Variants in SLC2A1 observed in about 807,000 individuals in gnomAD.
SLC2A1 encodes the protein solute carrier family 2 member 1.
Under a neutral mutation model 46.6 loss-of-function variants are expected in SLC2A1, and 4 were observed. The observed-to-expected ratio is 0.09, with a 90% confidence interval of 0.04 to 0.20. SLC2A1 has a LOEUF of 0.20. SLC2A1 is among the 10% of genes least tolerant of loss of function. The pLI is 1.00. For missense variants in SLC2A1, 352 were observed against 667.0 expected, an observed-to-expected ratio of 0.53 and a Z score of 5.20; for synonymous variants, 253 against 270.0, an observed-to-expected ratio of 0.94 and a Z score of 0.62.
intron 8 of SLC2A1, among the ~76,000 whole-genome samples, chr1:42,928,423 C>T (rs1168705549): frequency 6.6e-6 from 1 of 152,164 alleles, no homozygotes; most frequent in Non-Finnish European, 1.5e-5. Flanking sequence ...GTCACAGTCA[C>T]AGGCCTGGGA....
intron 8 of SLC2A1, 34 bp downstream of exon 8, chr1:42,928,898 C>T (rs766213890): frequency 3.2e-5 from 51 of 1,583,672 alleles, no homozygotes; most frequent in Middle Eastern, 3.3e-4. Context: ...CAAACTCTCC[C>T]GCATCCCTCA....
intron 2 of SLC2A1, chr1:42,942,975 T>C (rs367957649): frequency 3.9e-4 from 220 of 563,968 alleles, no homozygotes; most frequent in African/African-American, 2.8e-3. Flanking sequence ...GGGTGGGGGG[T>C]TGGTCAAGAG....
chr1:42,947,581 C>CAAAAAAAAAAAAAAAAAAAAAAAAAAA, intron 1 of SLC2A1, among the ~76,000 whole-genome samples: 1 of 55,830 alleles, frequency 1.8e-5, no homozygotes, highest in Non-Finnish European at 3.1e-5. Context: ...CACACACACA[C>CAAAAAAAAAAAAAAAAAAAAAAAAAAA]AAAAAAAAAA....
chr1:42,928,867 T>C (rs1643455338), intron 8 of SLC2A1, 65 bp downstream of exon 8: 1 of 1,416,682 alleles, frequency 7.1e-7, no homozygotes, highest in Non-Finnish European at 1.0e-6. Context: ...GAGACAGGCA[T>C]TTTGGGATAT....
intron 2 of SLC2A1, 91 bp from the exon 3 acceptor site, chr1:42,931,297 G>A (rs1643487590): frequency 7.5e-6 from 10 of 1,329,072 alleles, no homozygotes; most frequent in Non-Finnish European, 1.0e-5. Context: ...CCTAAGAGAG[G>A]GCCAGGGCCT....
At chr1:42,941,147 C>T (rs952528569) in intron 2 of SLC2A1, among the ~76,000 whole-genome samples, 6 of 152,158 alleles carry the variant, frequency 3.9e-5, no homozygotes, top group African/African-American at 1.2e-4. Context: ...TTCTTAAGTC[C>T]GCCCCTCCAT....
chr1:42,951,389 G>T (rs903408286), intron 1 of SLC2A1, among the ~76,000 whole-genome samples: 1 of 152,176 alleles, frequency 6.6e-6, no homozygotes, highest in African/African-American at 2.4e-5. Context: ...TACATATTGT[G>T]TAAGGAACAG....
chr1:42,952,234 G>C (rs1643728737), intron 1 of SLC2A1: 3 of 427,414 alleles, frequency 7.0e-6, no homozygotes, highest in African/African-American at 6.0e-5. Flanking sequence ...TTTGTGGAGA[G>C]AATGAGACCA....
Position 42,945,754 on chromosome 1 carries a change from C to CAAAAAACA in SLC2A1, c.19-2441_19-2434dup, listed in dbSNP as rs1553157060. ...ACTCTGTCTCAAAAAAAAAAAAAAACAAAAAACAAAAAACAAGAATGTACA... is the reference window on the plus strand; with the variant it reads ...ACTCTGTCTCAAAAAAAAAAAAAAACAAAAAACAAAAAAACAAAAAACAAGAATGTACA... On this transcript the variant is annotated intron_variant, in intron 1 of 9. Coordinates refer to ENST00000426263, the MANE Select transcript of SLC2A1 (RefSeq NM_006516.4). Among the ~76,000 whole-genome samples the CAAAAAACA allele has an allele frequency of 1.2e-3, 168 of 140,996 alleles. 2 individuals carry two copies. Among genetic ancestry groups the CAAAAAACA allele is most frequent in the Admixed American group, 1.4e-3 (20 of 14,216 alleles). 92.5% of individuals were successfully genotyped at this position (140,996 alleles called of 152,430 possible).
chr1:42,940,543 C>T (rs1464502220), intron 2 of SLC2A1, among the ~76,000 whole-genome samples: 4 of 152,178 alleles, frequency 2.6e-5, no homozygotes, highest in Non-Finnish European at 1.5e-5. Flanking sequence ...AGCTCTTGTT[C>T]TTCTACTTAG....
chr1:42,939,527 G>A (rs1035837233), intron 2 of SLC2A1, among the ~76,000 whole-genome samples: 3 of 152,182 alleles, frequency 2.0e-5, no homozygotes, highest in Non-Finnish European at 2.9e-5. Context: ...GACCAGCCCC[G>A]TGATGCCCTG....
At chr1:42,955,337 G>A (rs1008083890) in intron 1 of SLC2A1, among the ~76,000 whole-genome samples, 1 of 152,190 alleles carries the variant, frequency 6.6e-6, no homozygotes, top group Non-Finnish European at 1.5e-5. Context: ...GGCCGGGTGC[G>A]GTAGCTCACG....
chr1:42,930,072 A>T lies in SLC2A1; in HGVS notation c.517-37T>A, dbSNP rs369160339. On this transcript the variant is annotated intron_variant, in intron 4 of 9. Transcript: ENST00000426263. The surrounding 1 kb of genome is among the most constrained non-coding windows in gnomAD (Gnocchi z 6.2). ...AGGGGCCGTGAGCGCCTCTGCCCTG[A>T]CCCCCTTTCCCACCCCGTCCTGCCA... 1.7e-5 allele frequency: 27 copies of T among 1,610,892 alleles called. No individual in the cohort carries two copies. The African/African-American group carries it at 3.5e-4, about 21-fold the overall frequency.
intron 2 of SLC2A1, among the ~76,000 whole-genome samples, chr1:42,937,813 G>A (rs1643556863): frequency 6.6e-6 from 1 of 152,182 alleles, no homozygotes; most frequent in African/African-American, 2.4e-5. Flanking sequence ...GGATATAGGA[G>A]AGAGAAGGAG....
chr1:42,953,739 C>A (rs1643746413), intron 1 of SLC2A1, among the ~76,000 whole-genome samples: 1 of 152,182 alleles, frequency 6.6e-6, no homozygotes, highest in Admixed American at 6.5e-5. Context: ...CCAGGAGGCA[C>A]TGGGCAAAGC....
rs1050933017 is a variant in SLC2A1 at position 42,929,951 on chromosome 1, A to C, written c.601T>G (p.Cys201Gly). The C allele has an allele frequency of 1.5e-5, 25 of 1,613,992 alleles. No homozygotes were observed. Among genetic ancestry groups the C allele is most frequent in the Non-Finnish European group, 2.1e-5 (25 of 1,179,972 alleles). The stretch of plus-strand genomic sequence containing the variant: ...TCGGGGCAGAAGGGCAGCACGATGC[A>C]CTGCAGCAGGGCCGGGATGAAGATG... ...SIIFIPALLQ[C>G]IVLPFCPESP... is the part of the protein sequence containing the mutation. The change falls in exon 5 of 10, where the codon TGC becomes GGC. Residue 201 changes from cysteine to glycine, a missense_variant. By Grantham distance (159) the Cys-to-Gly change is radical. Coordinates refer to ENST00000426263, the MANE Select transcript of SLC2A1 (RefSeq NM_006516.4). This position sits in a 1 kb window ranked among gnomAD's most constrained non-coding sequence, Gnocchi z 6.0.
In SLC2A1 at chr1:42,953,735, G is replaced by A. The variant is rs117614652; in HGVS notation, c.18+4899C>T. Among the ~76,000 whole-genome samples, 391 of 152,316 alleles carry A rather than the reference G, an allele frequency of 2.6e-3. 6 individuals carry two copies. Among genetic ancestry groups the A allele is most frequent in the East Asian group, 0.016 (84 of 5,174 alleles). On this transcript the variant is annotated intron_variant, in intron 1 of 9. Transcript: ENST00000426263. ...CTGGGCCGACACCCCGTGACCAGGA[G>A]GCACTGGGCAAAGCTGAGCTCCTTG...
chr1:42,956,804 T>G (rs978001470), intron 1 of SLC2A1, among the ~76,000 whole-genome samples: 18 of 152,162 alleles, frequency 1.2e-4, no homozygotes, highest in Non-Finnish European at 2.4e-4. Context: ...CAAGAAATGT[T>G]GTGGTGAAGA....
intron 2 of SLC2A1, 102 bp downstream of exon 2, chr1:42,943,124 T>A: frequency 2.5e-6 from 2 of 801,320 alleles, no homozygotes; most frequent in South Asian, 2.9e-5. Context: ...AGTGCGTTCA[T>A]ATAAATGACT....
Sources: gnomAD v4.1 joint callset for allele counts (sites outside exome capture counted in the v4.1 genomes callset) on GRCh38, gnomAD v4.1.1 for gene constraint, Gnocchi (gnomAD v3.1) non-coding constraint, MANE v1.5 for transcripts, NCBI Gene and HGNC (gene_info 2026-07-23, HGNC 2026-07-21) for gene names.